MALT1: variants seen among roughly 807,000 people sequenced by gnomAD.
MALT1 encodes the protein MALT1 paracaspase.
MALT1 carries 36 observed loss-of-function variants against 85.5 expected under a neutral mutation model. That is an observed-to-expected ratio of 0.42 (90% CI 0.32 to 0.56). The LOEUF (loss-of-function observed/expected upper bound fraction) is 0.56. Ranked by LOEUF, MALT1 falls within the 20% of genes least tolerant of loss-of-function variation. The probability of loss-of-function intolerance (pLI) is 0.10; values close to 1 mark genes in which losing one functional copy is unlikely to be tolerated. For missense variants in MALT1, 716 were observed against 981.6 expected (o/e 0.73, Z 3.62); for synonymous variants, 359 against 361.3 (o/e 0.99, Z 0.07).
chr18:58,718,888 A>G (rs373297923), intron 9 of MALT1, among the ~76,000 whole-genome samples: 2 of 152,158 alleles, frequency 1.3e-5, no homozygotes, highest in Non-Finnish European at 2.9e-5. Context: ...GGAGCTCTCA[A>G]GGGGATAAAA....
chr18:58,723,053 G>A lies in MALT1; in HGVS notation c.1024G>A (p.Asp342Asn). The A allele has an allele frequency of 1.9e-6, 3 of 1,612,332 alleles. No individual in the cohort carries two copies. Among genetic ancestry groups the A allele is most frequent in the Non-Finnish European group, 2.5e-6 (3 of 1,179,134 alleles). ...EQTTDQPLAK[D>N]KVALLIGNMN... ...CCTTTCTTTTTTTTTCAAAGCGAAG[G>A]ACAAGGTTGCCCTTTTGATAGGAAA... Residue 342 changes from aspartate (D) to asparagine (N), a missense_variant, in exon 10 of 17, where the codon GAC (aspartate) becomes AAC (asparagine). Physicochemically the swap from Asp to Asn is conservative, Grantham distance 23. Around this residue, in one of 4 missense-constraint regions of MALT1, gnomAD observed 290 missense variants for 380.5 expected, o/e 0.76. Coordinates refer to ENST00000649217, the MANE Select transcript of MALT1 (RefSeq NM_006785.4).
In MALT1 at chr18:58,681,128, T is replaced by C. The variant is rs778428119; in HGVS notation, c.210-42T>C. 3.1e-6 allele frequency: 5 copies of C among 1,594,028 alleles called. No homozygotes were observed. The Admixed American group carries it at 5.1e-5, about 16-fold the overall frequency. On this transcript the variant is annotated intron_variant, in intron 1 of 16. Transcript: ENST00000649217. ...CCAGATATATAGCAGGTGTATCATG[T>C]GGAAGAAAGCTGTTGACTTGAATTC...
intron 2 of MALT1, among the ~76,000 whole-genome samples, chr18:58,689,513 C>T (rs1243507583): frequency 6.6e-6 from 1 of 152,206 alleles, no homozygotes; most frequent in East Asian, 1.9e-4. Flanking sequence ...CACTGCAGTG[C>T]CATATGTGGG....
chr18:58,692,407 C>CCTCTCTCGCTCTCTCTCTCT, intron 2 of MALT1, among the ~76,000 whole-genome samples: 1 of 130,458 alleles, frequency 7.7e-6, no homozygotes, highest in East Asian at 2.5e-4. Flanking sequence ...ACTGGCCATT[C>CCTCTCTCGCTCTCTCTCTCT]CTCTCTCTCT....
chr18:58,716,935 A>T (rs2054909161), intron 9 of MALT1, among the ~76,000 whole-genome samples: 2 of 152,252 alleles, frequency 1.3e-5, no homozygotes, highest in Admixed American at 1.3e-4. Context: ...GGCTTTAATC[A>T]GAATGTTGAA....
chr18:58,703,087 A>C (rs1318760401), intron 4 of MALT1, among the ~76,000 whole-genome samples: 1 of 152,186 alleles, frequency 6.6e-6, no homozygotes, highest in Admixed American at 6.5e-5. Flanking sequence ...GGTCAGGCGC[A>C]ATGGCTCACA....
intron 2 of MALT1, 26 bp from the exon 3 acceptor site, chr18:58,696,336 AATTT>A: frequency 2.6e-6 from 3 of 1,166,908 alleles, no homozygotes; most frequent in Non-Finnish European, 1.1e-6. Flanking sequence ...TTGTGACTTT[AATTT>A]TTTTTTTTTT....
chr18:58,734,609 A>G (rs1320075572), intron 12 of MALT1: 4 of 473,796 alleles, frequency 8.4e-6, no homozygotes, highest in Non-Finnish European at 1.5e-5. Context: ...TTTTGATTAT[A>G]GATTAGAGGC....
intron 4 of MALT1, among the ~76,000 whole-genome samples, chr18:58,703,791 T>C (rs1169174692): frequency 2.0e-5 from 3 of 152,200 alleles, no homozygotes; most frequent in African/African-American, 7.2e-5. Flanking sequence ...CAATTTTATT[T>C]AACTTTTTTA....
intron 2 of MALT1, among the ~76,000 whole-genome samples, chr18:58,685,551 TGAG>T: frequency 6.6e-6 from 1 of 152,346 alleles, no homozygotes; most frequent in Middle Eastern, 3.4e-3. Context: ...GTTTCTGTGA[TGAG>T]GACCCAGCTT....
At chr18:58,678,581 C>G (rs1192436786) in intron 1 of MALT1, among the ~76,000 whole-genome samples, 1 of 152,038 alleles carries the variant, frequency 6.6e-6, no homozygotes, top group Non-Finnish European at 1.5e-5. Flanking sequence ...GCTCACCGTT[C>G]TAAGGTGAAA....
chr18:58,689,328 G>C (rs117413194), intron 2 of MALT1, among the ~76,000 whole-genome samples: 1 of 151,262 alleles, frequency 6.6e-6, no homozygotes, highest in Non-Finnish European at 1.5e-5. Context: ...TGCAAATTAC[G>C]TACCTTTTTT....
intron 1 of MALT1, among the ~76,000 whole-genome samples, chr18:58,673,484 T>C (rs1312149274): frequency 6.6e-6 from 1 of 152,168 alleles, no homozygotes; most frequent in Admixed American, 6.5e-5. Flanking sequence ...AGATGGAGTC[T>C]TGCTCTTTCG....
At chr18:58,699,156 A>G (rs2054636140) in intron 3 of MALT1, among the ~76,000 whole-genome samples, 2 of 152,202 alleles carry the variant, frequency 1.3e-5, no homozygotes, top group Non-Finnish European at 2.9e-5. Context: ...TGTTAAGAGG[A>G]TACATCTTCC....
At chr18:58,727,657 A>G (rs796074256) in intron 10 of MALT1, among the ~76,000 whole-genome samples, 30 of 135,514 alleles carry the variant, frequency 2.2e-4, no homozygotes, top group African/African-American at 9.0e-4. Context: ...AAAAAAAGTC[A>G]GGGGGTTTAA....
intron 2 of MALT1, among the ~76,000 whole-genome samples, chr18:58,695,696 G>C (rs2054576740): frequency 6.6e-6 from 1 of 152,160 alleles, no homozygotes; most frequent in Non-Finnish European, 1.5e-5. Context: ...CAAAGAACCA[G>C]CTTCTGATGA....
chr18:58,677,304 G>GT (rs34660173), intron 1 of MALT1, among the ~76,000 whole-genome samples: 1 of 152,056 alleles, frequency 6.6e-6, no homozygotes, highest in Non-Finnish European at 1.5e-5. Flanking sequence ...AAAGCCAAGT[G>GT]TTTTTAATTT....
At chr18:58,734,190 T>C (rs1568151553) in intron 11 of MALT1, 117 bp from the exon 12 acceptor site, 2 of 1,055,798 alleles carry the variant, frequency 1.9e-6, no homozygotes, top group Non-Finnish European at 2.7e-6. Flanking sequence ...TTTGAATCTA[T>C]AATTTTAAAT....
chr18:58,693,917 A>G (rs73961671), intron 2 of MALT1, among the ~76,000 whole-genome samples: 6,519 of 152,304 alleles, frequency 0.043, 449 homozygotes, highest in African/African-American at 0.14. Context: ...TTTTCCTGTC[A>G]CATCGAAACT....
Sources: gnomAD v4.1 joint callset for allele counts (sites outside exome capture counted in the v4.1 genomes callset) on GRCh38, gnomAD v4.1.1 for gene constraint, gnomAD v4.1.1 regional missense constraint, MANE v1.5 for transcripts, NCBI Gene and HGNC (gene_info 2026-07-23, HGNC 2026-07-21) for gene names.